Variants in CPB2 observed in about 807,000 individuals in gnomAD.
CPB2 encodes the protein carboxypeptidase B-like protein.
CPB2 carries 54 observed loss-of-function variants against 57.0 expected under a neutral mutation model. The observed-to-expected ratio is 0.95, with a 90% CI of 0.76 to 1.19. The LOEUF (loss-of-function observed/expected upper bound fraction) is 1.19, where lower values mean the gene tolerates loss of function less well. Among genes scored for constraint, CPB2 ranks in the 50% most tolerant of loss-of-function variants. The pLI is 0.00. For missense variants in CPB2, 426 were observed against 512.0 expected, an observed-to-expected ratio of 0.83 and a Z score of 1.62; for synonymous variants, 189 against 178.1, an observed-to-expected ratio of 1.06 and a Z score of -0.49.
chr13:46,092,621 A>C (rs1436581156), intron 1 of CPB2, among the ~76,000 whole-genome samples: 1 of 152,220 alleles, frequency 6.6e-6, no homozygotes, highest in Non-Finnish European at 1.5e-5. Context: ...CTGGGTGTGT[A>C]AGAATGTCTA....
chr13:46,058,337 G>A lies in CPB2; in HGVS notation c.841C>T (p.Leu281Phe). Residue 281 changes from leucine to phenylalanine, a missense_variant, in exon 9 of 11, where the codon CTT becomes TTT. Leu to Phe is a conservative substitution (Grantham distance 22). Transcript: ENST00000181383. Reference sequence around the variant, plus strand: ...ACTTCTGGTTCTGACTCAGGATAAAGTCCACAGTAGGTTTCCGAGCATGAG... The same window carrying A: ...ACTTCTGGTTCTGACTCAGGATAAAATCCACAGTAGGTTTCCGAGCATGAG... ...SSSCSETYCGLYPESEPEVKA... is the reference protein window; with the variant it reads ...SSSCSETYCGFYPESEPEVKA... The A allele has an allele frequency of 1.2e-6, 2 of 1,614,072 alleles. No homozygotes were observed. The highest frequency in any genetic ancestry group is 1.7e-6 in the Non-Finnish European group (2 of 1,179,964).
chr13:46,078,960 C>G, intron 4 of CPB2, 59 bp from the exon 5 acceptor site: 4 of 1,060,580 alleles, frequency 3.8e-6, no homozygotes, highest in Non-Finnish European at 5.8e-6. Context: ...TTTCCCTGAC[C>G]AAAGCAAGCA....
chr13:46,075,007 A>G (rs2045000846), intron 5 of CPB2, among the ~76,000 whole-genome samples: 1 of 152,210 alleles, frequency 6.6e-6, no homozygotes, highest in Non-Finnish European at 1.5e-5. Flanking sequence ...CTAACAGGCC[A>G]TGGACTGGTA....
intron 4 of CPB2, among the ~76,000 whole-genome samples, chr13:46,081,484 A>AG (rs925080261): frequency 3.3e-5 from 5 of 151,986 alleles, no homozygotes; most frequent in Non-Finnish European, 7.4e-5. Context: ...AGATTAAAAA[A>AG]GGGGGGGTGC....
rs560736517 is a variant in CPB2 at position 46,058,423 on chromosome 13, A to G, written c.797-42T>C. ...AAGGTGAAATTATGAGGGGATGCAC[A>G]TAGTACTGTAATTTGTGGTTTCCCA... On this transcript the variant is annotated intron_variant, in intron 8 of 10. Coordinates refer to ENST00000181383, the MANE Select transcript of CPB2 (RefSeq NM_001872.5). 377 of 1,559,764 alleles carry G rather than the reference A, an allele frequency of 2.4e-4. 5 individuals are homozygous for G. In the South Asian group the frequency reaches 4.1e-3, roughly 17 times the overall value.
intron 6 of CPB2, among the ~76,000 whole-genome samples, chr13:46,071,489 T>C (rs972256933): frequency 6.6e-5 from 10 of 152,098 alleles, no homozygotes; most frequent in Admixed American, 5.9e-4. Flanking sequence ...TGAGGTTTAG[T>C]AGAACAGAGA....
chr13:46,078,938 A>C, intron 4 of CPB2, 37 bp from the exon 5 acceptor site: 1 of 1,326,286 alleles, frequency 7.5e-7, no homozygotes, highest in Non-Finnish European at 1.1e-6. Flanking sequence ...TCACGAAGCC[A>C]AGTTCAAAGC....
intron 1 of CPB2, among the ~76,000 whole-genome samples, chr13:46,102,412 A>T (rs1217735994): frequency 1.3e-5 from 2 of 152,012 alleles, no homozygotes; most frequent in Non-Finnish European, 2.9e-5. Flanking sequence ...TTGGCATATG[A>T]TATTTATGCC....
intron 6 of CPB2, among the ~76,000 whole-genome samples, chr13:46,072,503 A>C (rs1212188442): frequency 6.6e-6 from 1 of 152,172 alleles, no homozygotes; most frequent in East Asian, 1.9e-4. Context: ...GGAGCAAAAT[A>C]CTCAGCTATA....
rs1194147988 is a variant in CPB2, at chr13:46,088,081, C to T, written c.75-261G>A. ...ATTTACTTCTTTCCTTTTTCTTGTG[C>T]GTGCATGTGTGTTTTAATTTTAAAA... On this transcript the variant is annotated intron_variant, in intron 1 of 10. Transcript: ENST00000181383. 3.9e-5 allele frequency among the ~76,000 whole-genome samples: 6 copies of T among 152,034 alleles called. No homozygotes were observed. The East Asian group carries it at 5.8e-4, about 15-fold the overall frequency.
intron 4 of CPB2, among the ~76,000 whole-genome samples, chr13:46,081,425 T>G (rs1241438057): frequency 6.6e-6 from 1 of 152,088 alleles, no homozygotes. Flanking sequence ...CATGCAGTCG[T>G]GCTGATGGAT....
chr13:46,094,399 A>T (rs573846142), intron 1 of CPB2, among the ~76,000 whole-genome samples: 1 of 152,208 alleles, frequency 6.6e-6, no homozygotes, highest in Non-Finnish European at 1.5e-5. Context: ...TTTGGGGTAT[A>T]GTCCCTTTCC....
intron 1 of CPB2, among the ~76,000 whole-genome samples, chr13:46,090,411 G>A (rs1425730831): frequency 2.8e-5 from 4 of 145,428 alleles, no homozygotes; most frequent in Non-Finnish European, 5.9e-5. Flanking sequence ...CACCCAGGCA[G>A]GAGTGCAATG....
At chr13:46,067,171 A>G (rs1315615450) in intron 7 of CPB2, 136 bp downstream of exon 7, 1 of 490,532 alleles carries the variant, frequency 2.0e-6, no homozygotes, top group African/African-American at 2.6e-5. Context: ...TATATTTGAC[A>G]TTTTCCACAA....
chr13:46,095,744 T>G (rs1017323014), intron 1 of CPB2, among the ~76,000 whole-genome samples: 1 of 152,142 alleles, frequency 6.6e-6, no homozygotes, highest in African/African-American at 2.4e-5. Context: ...CTGAAATCTG[T>G]CCCTGTGTTA....
chr13:46,090,501 T>A (rs2045276482), intron 1 of CPB2, among the ~76,000 whole-genome samples: 1 of 151,882 alleles, frequency 6.6e-6, no homozygotes, highest in South Asian at 2.1e-4. Context: ...TAGCTGGGAT[T>A]ACAGGTGCAC....
chr13:46,056,832 C>T (rs11574993), intron 9 of CPB2, among the ~76,000 whole-genome samples: 1 of 152,148 alleles, frequency 6.6e-6, no homozygotes, highest in Non-Finnish European at 1.5e-5. Context: ...TTTTTCCCCC[C>T]CTTAATAGAT....
intron 2 of CPB2, among the ~76,000 whole-genome samples, chr13:46,086,907 C>G (rs1165326560): frequency 6.6e-6 from 1 of 152,214 alleles, no homozygotes; most frequent in Non-Finnish European, 1.5e-5. Context: ...CAGGTTGTGA[C>G]AACACCTAGG....
chr13:46,067,184 A>C lies in CPB2; in HGVS notation c.702+123T>G, dbSNP rs1286760824. ...TATATATTTGACATTTTCCACAATA[A>C]AAGTTAAAAAAAATTAATAATAAAG... is the stretch of plus-strand genomic sequence containing the variant. On this transcript the variant is annotated intron_variant, in intron 7 of 10. Transcript: ENST00000181383. The C allele has an allele frequency of 9.0e-6, 4 of 446,568 alleles. No individual in the cohort carries two copies. The Admixed American group carries it at 2.0e-4, about 23-fold the overall frequency. The allele number at this position is 446,568 out of a possible 1,614,324, so 27.7% of individuals were successfully genotyped here.
Sources: allele counts gnomAD v4.1 joint callset (sites outside exome capture counted in the v4.1 genomes callset), GRCh38; gene constraint gnomAD v4.1.1; transcripts MANE v1.5; gene names NCBI Gene and HGNC (gene_info 2026-07-23, HGNC 2026-07-21).